The following MGAT5 variants were observed in gnomAD, a reference collection of about 807,000 sequenced individuals.
The protein encoded by MGAT5 is alpha-1,6-mannosylglycoprotein 6-beta-N-acetylglucosaminyltransferase.
Under a neutral mutation model 94.3 loss-of-function variants are expected in MGAT5, and 30 were observed. The observed-to-expected ratio is 0.32, with a 90% CI of 0.24 to 0.43. The LOEUF is 0.43. MGAT5 is among the 20% of genes least tolerant of loss of function. The pLI, the probability that MGAT5 is intolerant of heterozygous loss-of-function variation, is 1.00. For synonymous variants in MGAT5, 310 were observed against 322.9 expected, an observed-to-expected ratio of 0.96 and a Z score of 0.43; for missense variants, 691 against 905.5, an observed-to-expected ratio of 0.76 and a Z score of 3.04.
intron 2 of MGAT5, among the ~76,000 whole-genome samples, chr2:134,284,360 T>C (rs964326059): frequency 6.6e-6 from 1 of 152,252 alleles, no homozygotes; most frequent in Non-Finnish European, 1.5e-5. Flanking sequence ...CCCATTTGTT[T>C]ACTTACTGTC....
intron 2 of MGAT5, among the ~76,000 whole-genome samples, chr2:134,271,928 A>T (rs1047803997): frequency 6.6e-6 from 1 of 152,120 alleles, no homozygotes; most frequent in Admixed American, 6.5e-5. Context: ...GAAAGGCCCT[A>T]TGTGGTTTCA....
chr2:134,379,994 A>G (rs561902891), intron 10 of MGAT5, among the ~76,000 whole-genome samples: 1 of 152,374 alleles, frequency 6.6e-6, no homozygotes, highest in African/African-American at 2.4e-5. Context: ...AACAAGAATG[A>G]CATGAACAGT....
At chr2:134,189,658 A>G (rs1203047506) in intron 1 of MGAT5, among the ~76,000 whole-genome samples, 1 of 134,230 alleles carries the variant, frequency 7.4e-6, no homozygotes, top group Non-Finnish European at 1.5e-5. Context: ...CTGAAGTGCA[A>G]TGGCGTGATC....
chr2:134,252,118 C>G (rs988153213), upstream of MGAT5, among the ~76,000 whole-genome samples: 3 of 152,098 alleles, frequency 2.0e-5, no homozygotes, highest in African/African-American at 7.2e-5. Flanking sequence ...TGTTGTAAGA[C>G]TAGGAAAGGA....
At chr2:134,389,092 A>C (rs76969015) in intron 10 of MGAT5, among the ~76,000 whole-genome samples, 5,750 of 152,144 alleles carry the variant, frequency 0.038, 370 homozygotes, top group African/African-American at 0.13. Flanking sequence ...TTGCAGGGCT[A>C]CTTTATAAGG....
rs115554504 is a variant in MGAT5, at chr2:134,343,633, G to T, written c.978-1297G>T. On this transcript the variant is annotated intron_variant, in intron 7 of 15. Transcript: ENST00000281923. The stretch of plus-strand genomic sequence containing the variant: ...TAGGCTAATTAGATCACAACCCTTG[G>T]GGGTAGGACACAGCCATAAGTATTT... Among the ~76,000 whole-genome samples, 709 of 152,214 alleles carry T rather than the reference G, an allele frequency of 4.7e-3. 3 individuals carry two copies. The highest frequency in any genetic ancestry group is 0.016 in the African/African-American group (644 of 41,536).
chr2:134,203,514 A>C (rs1007610601), intron 1 of MGAT5, among the ~76,000 whole-genome samples: 2 of 152,054 alleles, frequency 1.3e-5, no homozygotes, highest in Non-Finnish European at 2.9e-5. Flanking sequence ...CCAAAAGCTC[A>C]GGTGATGGGA....
At chr2:134,121,362 G>A (rs1257970204) in intron 1 of MGAT5, among the ~76,000 whole-genome samples, 2 of 152,250 alleles carry the variant, frequency 1.3e-5, no homozygotes, top group African/African-American at 4.8e-5. Flanking sequence ...GGGTGTGTGA[G>A]CCCAGGGACG....
chr2:134,382,166 G>A (rs1241391617), intron 10 of MGAT5, among the ~76,000 whole-genome samples: 3 of 151,866 alleles, frequency 2.0e-5, no homozygotes, highest in Non-Finnish European at 2.9e-5. Flanking sequence ...AAAGCAGGAG[G>A]GTCACTTGAA....
intron 10 of MGAT5, among the ~76,000 whole-genome samples, chr2:134,393,988 A>G (rs1682562272): frequency 6.6e-6 from 1 of 152,158 alleles, no homozygotes; most frequent in African/African-American, 2.4e-5. Context: ...AGAGGCTGGC[A>G]GGAAGGTAAG....
At chr2:134,207,923 G>A (rs1680098482) in intron 1 of MGAT5, among the ~76,000 whole-genome samples, 1 of 152,164 alleles carries the variant, frequency 6.6e-6, no homozygotes, top group African/African-American at 2.4e-5. Context: ...ATAACTTAAA[G>A]GTCCATGCTT....
chr2:134,303,153 T>G (rs2105832702), intron 2 of MGAT5, among the ~76,000 whole-genome samples: 1 of 152,272 alleles, frequency 6.6e-6, no homozygotes, highest in African/African-American at 2.4e-5. Flanking sequence ...TTAAGTAATT[T>G]CCTTTTTTGT....
intron 1 of MGAT5, among the ~76,000 whole-genome samples, chr2:134,181,607 A>G (rs556438842): frequency 1.3e-5 from 2 of 152,242 alleles, no homozygotes; most frequent in South Asian, 2.1e-4. Context: ...GTGATAAAAT[A>G]CTTCCTGAAA....
At chr2:134,172,926 A>G (rs1688287172) in intron 1 of MGAT5, among the ~76,000 whole-genome samples, 1 of 152,196 alleles carries the variant, frequency 6.6e-6, no homozygotes. Flanking sequence ...TGTCTCTGAC[A>G]ACATCACAGG....
At chr2:134,393,309 G>C (rs1292350809) in intron 10 of MGAT5, among the ~76,000 whole-genome samples, 1 of 152,104 alleles carries the variant, frequency 6.6e-6, no homozygotes, top group Non-Finnish European at 1.5e-5. Flanking sequence ...GTGTGGGAGG[G>C]CTGGCCTGCC....
chr2:134,376,080 A>C (rs1162297662), intron 10 of MGAT5, among the ~76,000 whole-genome samples: 4 of 152,164 alleles, frequency 2.6e-5, no homozygotes, highest in Non-Finnish European at 5.9e-5. Flanking sequence ...AGGCGTGCTA[A>C]GGTTTGGCCA....
At chr2:134,425,691 T>C (rs1490621127) in intron 13 of MGAT5, among the ~76,000 whole-genome samples, 1 of 152,040 alleles carries the variant, frequency 6.6e-6, no homozygotes, top group Non-Finnish European at 1.5e-5. Flanking sequence ...TGGAGGCTGA[T>C]CTCTAAAAGC....
At chr2:134,185,735 T>G (rs924902290) in intron 1 of MGAT5, among the ~76,000 whole-genome samples, 1 of 152,238 alleles carries the variant, frequency 6.6e-6, no homozygotes, top group African/African-American at 2.4e-5. Context: ...GCTCAATTTT[T>G]GGGCAATTGC....
intron 15 of MGAT5, among the ~76,000 whole-genome samples, chr2:134,445,497 GT>G: frequency 6.6e-6 from 1 of 152,250 alleles, no homozygotes; most frequent in South Asian, 2.1e-4. Flanking sequence ...CTCGCCTCCT[GT>G]CCAGCGCATC....
Sources: allele counts gnomAD v4.1 joint callset (sites outside exome capture counted in the v4.1 genomes callset), GRCh38; gene constraint gnomAD v4.1.1; transcripts MANE v1.5; gene names NCBI Gene and HGNC (gene_info 2026-07-23, HGNC 2026-07-21).